Variants in GLP1R observed in about 807,000 individuals in gnomAD.
GLP1R encodes glucagon-like peptide 1 receptor.
A neutral mutation model predicts 68.4 loss-of-function variants in GLP1R; 32 were observed. The ratio of observed to expected loss-of-function variants is 0.47; its 90% CI spans 0.35 to 0.63. The LOEUF (loss-of-function observed/expected upper bound fraction) is 0.63, where lower values mean the gene tolerates loss of function less well. GLP1R is among the 20% of genes least tolerant of loss of function. The probability of loss-of-function intolerance (pLI) is 0.00; values close to 1 mark genes in which losing one functional copy is unlikely to be tolerated. For missense variants in GLP1R, 502 were observed against 594.9 expected (o/e 0.84, Z 1.62); for synonymous variants, 263 against 244.4 (o/e 1.08, Z -0.71).
At chr6:39,081,964 T>C (rs1446082091) in intron 12 of GLP1R, among the ~76,000 whole-genome samples, 1 of 152,224 alleles carries the variant, frequency 6.6e-6, no homozygotes, top group Non-Finnish European at 1.5e-5. Context: ...TCCTAGCTCC[T>C]CACAGGTGCT....
At chr6:39,053,066 C>G (rs911538954) in intron 1 of GLP1R, among the ~76,000 whole-genome samples, 27 of 152,156 alleles carry the variant, frequency 1.8e-4, no homozygotes, top group African/African-American at 6.0e-4. Flanking sequence ...CAGAGAGATC[C>G]CATGAAGCCT....
intron 7 of GLP1R, among the ~76,000 whole-genome samples, chr6:39,078,067 G>T (rs1768879273): frequency 6.6e-6 from 1 of 152,234 alleles, no homozygotes; most frequent in African/African-American, 2.4e-5. Flanking sequence ...CTGACAGTGT[G>T]CCTGGCACAC....
chr6:39,075,371 G>A (rs933596042), intron 7 of GLP1R, among the ~76,000 whole-genome samples: 4 of 152,168 alleles, frequency 2.6e-5, no homozygotes, highest in African/African-American at 4.8e-5. Context: ...CTAGGAAATA[G>A]CATCAGCGCT....
chr6:39,073,953 C>A (rs1270723934), intron 7 of GLP1R, among the ~76,000 whole-genome samples, 184 bp downstream of exon 7: 1 of 152,190 alleles, frequency 6.6e-6, no homozygotes, highest in Non-Finnish European at 1.5e-5. Context: ...TTATGGTCCT[C>A]CCCTCCTCTG....
At chr6:39,085,003 G>T (rs1170541496) in intron 12 of GLP1R, among the ~76,000 whole-genome samples, 1 of 152,124 alleles carries the variant, frequency 6.6e-6, no homozygotes, top group Non-Finnish European at 1.5e-5. Flanking sequence ...GCTCTGGAAA[G>T]CAAATGTATG....
In GLP1R at chr6:39,088,299, C is replaced by G. The variant is rs1328034975; in HGVS notation, c.*2226C>G. 6.6e-6 allele frequency among the ~76,000 whole-genome samples: 1 copy of G among 151,786 alleles called. No homozygotes were observed. The highest frequency in any genetic ancestry group is 2.4e-5 in the African/African-American group (1 of 41,276). ...TTGCTCCAACCCCCGCTCCCCCGGC[C>G]CCCCGAAGCTATTAATAGTCATTCA... On this transcript the variant is annotated 3_prime_UTR_variant, in exon 13 of 13. Coordinates refer to ENST00000373256, the MANE Select transcript of GLP1R (RefSeq NM_002062.5).
At chr6:39,073,490 T>C in intron 6 of GLP1R, 120 bp from the exon 7 acceptor site, 1 of 827,472 alleles carries the variant, frequency 1.2e-6, no homozygotes, top group South Asian at 1.6e-5. Flanking sequence ...GCCAGAGATG[T>C]GAGCTCTCTC....
chr6:39,065,790 G>T lies in GLP1R; in HGVS notation c.363G>T (p.Arg121Ser). The T allele has an allele frequency of 6.2e-7, 1 of 1,602,616 alleles. No homozygotes were observed. The change falls in exon 4 of 13, where the codon AGG (arginine) becomes AGT (serine). Residue 121 changes from arginine to serine, a missense_variant. By Grantham distance (110) the Arg-to-Ser change is moderately radical. Coordinates refer to ENST00000373256, the MANE Select transcript of GLP1R (RefSeq NM_002062.5). ...LQKDNSSLPWRDLSECEESKR... is the reference protein window; with the variant it reads ...LQKDNSSLPWSDLSECEESKR... ...AGGACAACTCCAGCCTGCCCTGGAG[G>T]GACTTGTCGGAGTGCGAGGAGTCCA...
intron 5 of GLP1R, among the ~76,000 whole-genome samples, chr6:39,068,858 A>G (rs1488295228): frequency 3.3e-5 from 5 of 152,234 alleles, no homozygotes; most frequent in Non-Finnish European, 5.9e-5. Context: ...TCTGAAGTGC[A>G]TTCAGGGTCA....
chr6:39,051,108 G>T (rs1768076890), intron 1 of GLP1R, among the ~76,000 whole-genome samples: 1 of 152,144 alleles, frequency 6.6e-6, no homozygotes, highest in African/African-American at 2.4e-5. Context: ...GAGGGAGCGG[G>T]CCTACTGAGG....
At position 39,088,846 on chromosome 6, in the gene GLP1R, A is replaced by T. The variant is rs1227966887; in HGVS notation, c.*2773A>T. ...GACCTTGGTGATCCCCCCTGGCCCG[A>T]TCTATAGGATTGAGGAATGAGGCTT... is the stretch of plus-strand genomic sequence containing the variant. On this transcript the variant is annotated 3_prime_UTR_variant, in exon 13 of 13. Transcript: ENST00000373256. Among the ~76,000 whole-genome samples, 1 of 152,120 alleles carries T rather than the reference A, an allele frequency of 6.6e-6. No homozygotes were observed. The highest frequency in any genetic ancestry group is 1.5e-5 in the Non-Finnish European group (1 of 68,032).
intron 7 of GLP1R, among the ~76,000 whole-genome samples, chr6:39,076,431 C>A (rs1768829749): frequency 1.3e-5 from 2 of 152,044 alleles, no homozygotes; most frequent in South Asian, 4.2e-4. Context: ...ATCAATGGGC[C>A]AGGAGAGAGA....
In GLP1R at chr6:39,084,601, A is replaced by C. The variant is rs143276736; in HGVS notation, c.1225-1305A>C. Among the ~76,000 whole-genome samples, 578 of 152,276 alleles carry C rather than the reference A, an allele frequency of 3.8e-3. 5 individuals are homozygous for C. Among genetic ancestry groups the C allele is most frequent in the African/African-American group, 0.013 (547 of 41,546 alleles). ...CCAGCTGTCAGCATGCGCTCCCTTCACAAAGACTCAGCCGGGCAGGGAGCT... is the reference window on the plus strand; with the variant it reads ...CCAGCTGTCAGCATGCGCTCCCTTCCCAAAGACTCAGCCGGGCAGGGAGCT... On this transcript the variant is annotated intron_variant, in intron 12 of 12. Coordinates refer to ENST00000373256, the MANE Select transcript of GLP1R (RefSeq NM_002062.5).
intron 3 of GLP1R, among the ~76,000 whole-genome samples, chr6:39,060,830 A>T (rs12528717): frequency 0.12 from 18,961 of 152,180 alleles, 1,353 homozygotes; most frequent in Admixed American, 0.2. Flanking sequence ...GGAGCTAGGG[A>T]TGCCACTGAG....
At chr6:39,063,067 G>A (rs1562007415) in intron 3 of GLP1R, among the ~76,000 whole-genome samples, 1 of 152,214 alleles carries the variant, frequency 6.6e-6, no homozygotes, top group Non-Finnish European at 1.5e-5. Flanking sequence ...GCTGAGTCCT[G>A]GGTATGCGGG....
intron 12 of GLP1R, among the ~76,000 whole-genome samples, chr6:39,085,629 G>A (rs1286409688): frequency 6.6e-6 from 1 of 152,174 alleles, no homozygotes; most frequent in Non-Finnish European, 1.5e-5. Flanking sequence ...ATACTGTGAT[G>A]GATTGTAAAA....
chr6:39,065,907 C>A (rs959808669), intron 4 of GLP1R, 78 bp downstream of exon 4: 4 of 849,710 alleles, frequency 4.7e-6, no homozygotes, highest in South Asian at 1.5e-5. Context: ...AGACCCTTGG[C>A]TTTGATGGGG....
intron 5 of GLP1R, among the ~76,000 whole-genome samples, chr6:39,069,634 T>G (rs1478141634): frequency 6.9e-6 from 1 of 144,914 alleles, no homozygotes; most frequent in Non-Finnish European, 1.5e-5. Context: ...TGAGACTCTG[T>G]CTCAAAAAAA....
At position 39,089,563 on chromosome 6, in the gene GLP1R, C is replaced by T. The variant is rs1181730496; in HGVS notation, c.*3490C>T. ...AGCTCACAGTCAGGAGACCTCCCCT[C>T]CTCAGTCCCTCCCATTTCTTTCTTC... On this transcript the variant is annotated 3_prime_UTR_variant, in exon 13 of 13. Transcript: ENST00000373256. The surrounding 1 kb of genome is among the most constrained non-coding windows in gnomAD (Gnocchi z 4.1). Among the ~76,000 whole-genome samples, 1 of 152,204 alleles carries T rather than the reference C, an allele frequency of 6.6e-6. No homozygotes were observed. The highest frequency in any genetic ancestry group is 1.5e-5 in the Non-Finnish European group (1 of 68,032).
Sources: gnomAD v4.1 joint callset for allele counts (sites outside exome capture counted in the v4.1 genomes callset) on GRCh38, gnomAD v4.1.1 for gene constraint, Gnocchi (gnomAD v3.1) non-coding constraint, MANE v1.5 for transcripts, NCBI Gene and HGNC (gene_info 2026-07-23, HGNC 2026-07-21) for gene names.